BBS1: variants seen among roughly 807,000 people sequenced by gnomAD.
The protein encoded by BBS1 is Bardet-Biedl syndrome 1.
BBS1 carries 60 observed loss-of-function variants against 73.9 expected under a neutral mutation model. The ratio of observed to expected loss-of-function variants is 0.81; its 90% CI spans 0.66 to 1.01. BBS1 has a LOEUF of 1.01. Ranked by LOEUF, BBS1 falls within the 50% of genes least tolerant of loss-of-function variation. The pLI is 0.00. For synonymous variants in BBS1, 283 were observed against 317.4 expected, an observed-to-expected ratio of 0.89 and a Z score of 1.15; for missense variants, 718 against 770.3, an observed-to-expected ratio of 0.93 and a Z score of 0.80.
In BBS1 at chr11:66,526,806, C is replaced by A. The variant is rs368302072; in HGVS notation, c.1338C>A (p.Thr446=). 3 of 1,614,220 alleles carry A rather than the reference C, an allele frequency of 1.9e-6. No individual in the cohort carries two copies. In the South Asian group the frequency reaches 3.3e-5, roughly 18 times the overall value. ...CACTGCGAGAGCGGGAGGCTGGCAC[C>A]GGTGAGCCTCAGACTGGGTCCTTTC... is the stretch of plus-strand genomic sequence containing the variant. ...DQTLREREAG[T]AMHRAFQTDL... The change falls in exon 13 of 17, where the codon ACC becomes ACA. Residue 446 remains threonine (T), a splice_region_variant and synonymous_variant. Transcript: ENST00000318312.
chr11:66,527,668 C>CAAAAAAAAAAAAAA, intron 13 of BBS1: 1 of 57,964 alleles, frequency 1.7e-5, no homozygotes, highest in Non-Finnish European at 3.2e-5. Context: ...GACTCCGTCT[C>CAAAAAAAAAAAAAA]AAAAAAAAAA....
At position 66,532,089 on chromosome 11, in the gene BBS1, G is replaced by A. The variant is rs755900357; in HGVS notation, c.*52G>A. The A allele has an allele frequency of 8.4e-6, 13 of 1,541,198 alleles. No homozygotes were observed. Among genetic ancestry groups the A allele is most frequent in the East Asian group, 4.8e-5 (2 of 41,510 alleles). On this transcript the variant is annotated 3_prime_UTR_variant, in exon 17 of 17. Transcript: ENST00000318312. ...CACAATCAGCCAGGGAGAACTGGGCGGGTTTAGTGGCCCCAGGCCCACTCC... is the reference window on the plus strand; with the variant it reads ...CACAATCAGCCAGGGAGAACTGGGCAGGTTTAGTGGCCCCAGGCCCACTCC...
At position 66,511,017 on chromosome 11, in the gene BBS1, G is replaced by A. The variant is rs1855931587; in HGVS notation, c.52G>A (p.Glu18Lys). The A allele has an allele frequency of 6.2e-7, 1 of 1,614,108 alleles. No homozygotes were observed. Among genetic ancestry groups the A allele is most frequent in the Non-Finnish European group, 8.5e-7 (1 of 1,180,032 alleles). ...DSDACGAESN[E>K]ANSKWLDAHY... The stretch of plus-strand genomic sequence containing the variant: ...CTGTCTTTCCCCCACTTCCAGCAAT[G>A]AGGCCAATTCGAAGTGGTTGGATGC... The change falls in exon 2 of 17, where the codon GAG (glutamate) becomes AAG (lysine). Residue 18 changes from glutamate (E) to lysine (K), a missense_variant. Glu to Lys is a moderately conservative substitution (Grantham distance 56). Transcript: ENST00000318312.
At chr11:66,514,305 G>C in intron 3 of BBS1, 101 bp from the exon 4 acceptor site, 1 of 1,481,836 alleles carries the variant, frequency 6.7e-7, no homozygotes. Flanking sequence ...GCCTTTATTG[G>C]TGCAGGAATG....
At chr11:66,524,033 A>G in intron 11 of BBS1, 151 bp downstream of exon 11, 2 of 1,192,350 alleles carry the variant, frequency 1.7e-6, no homozygotes, top group Non-Finnish European at 1.2e-6. Context: ...TAATCCCAGC[A>G]CTTTGGGAGG....
chr11:66,512,997 C>T (rs1208230452), intron 3 of BBS1, among the ~76,000 whole-genome samples: 1 of 151,546 alleles, frequency 6.6e-6, no homozygotes, highest in Non-Finnish European at 1.5e-5. Flanking sequence ...TGTTAAATAT[C>T]TTCACATAAT....
At chr11:66,515,991 C>T (rs1023587736) in intron 7 of BBS1, 58 bp downstream of exon 7, 10 of 1,543,008 alleles carry the variant, frequency 6.5e-6, no homozygotes, top group Non-Finnish European at 9.0e-6. Flanking sequence ...TTTTAAAAGA[C>T]CACTTAACAT....
At chr11:66,520,584 C>G (rs764576395) in intron 8 of BBS1, 1 of 155,970 alleles carries the variant, frequency 6.4e-6, no homozygotes, top group Middle Eastern at 3.4e-3. Flanking sequence ...CACGCCTGAC[C>G]CCACATCAGC....
chr11:66,523,234 A>C (rs542059734), intron 9 of BBS1: 3 of 671,924 alleles, frequency 4.5e-6, no homozygotes, highest in Admixed American at 4.1e-5. Context: ...TGAAGGTGGG[A>C]GGAAGACAAG....
intron 9 of BBS1, 60 bp downstream of exon 9, chr11:66,521,436 G>T (rs1856212858): frequency 7.3e-7 from 1 of 1,365,620 alleles, no homozygotes; most frequent in African/African-American, 1.4e-5. Context: ...GGTGGCTTCA[G>T]AGGCTTGCAA....
In BBS1 at chr11:66,533,212, G is replaced by A. The variant is rs1856852334; in HGVS notation, c.*1175G>A. On this transcript the variant is annotated 3_prime_UTR_variant, in exon 17 of 17. Coordinates refer to ENST00000318312, the MANE Select transcript of BBS1 (RefSeq NM_024649.5). Reference sequence around the variant, plus strand: ...AGTGCACACACTAGAGAGAAATTGTGAACATTAAGGACAAGGAGAATTGGT... The same window carrying A: ...AGTGCACACACTAGAGAGAAATTGTAAACATTAAGGACAAGGAGAATTGGT... The A allele has an allele frequency of 6.6e-6, 1 of 152,194 alleles. No individual in the cohort carries two copies. Among genetic ancestry groups the A allele is most frequent in the African/African-American group, 2.4e-5 (1 of 41,432 alleles). The allele number at this position is 152,194 out of a possible 1,614,324, so 9.4% of individuals were successfully genotyped here.
At chr11:66,517,396 C>T (rs1024483806) in intron 7 of BBS1, among the ~76,000 whole-genome samples, 7 of 151,412 alleles carry the variant, frequency 4.6e-5, no homozygotes, top group Admixed American at 6.6e-5. Context: ...CTAACAATAA[C>T]TAGTGTTTGT....
rs1354560920 is a variant in BBS1 at position 66,526,718 on chromosome 11, C to T, written c.1250C>T (p.Pro417Leu). The T allele has an allele frequency of 6.2e-7, 1 of 1,614,188 alleles. No homozygotes were observed. Among genetic ancestry groups the T allele is most frequent in the South Asian group, 1.1e-5 (1 of 91,082 alleles). The change falls in exon 13 of 17, where the codon CCC becomes CTC. Residue 417 changes from proline to leucine, a missense_variant. By Grantham distance (98) the Pro-to-Leu change is moderately conservative (BLOSUM62 -3). Transcript: ENST00000318312. Reference protein sequence around the residue: ...VFVEGGSEVGPPPAQAMKLNV... With the variant: ...VFVEGGSEVGLPPAQAMKLNV... ...GTAGAGGGAGGAAGTGAGGTGGGTC[C>T]CCCACCAGCCCAGGCCATGAAACTC...
In BBS1 at chr11:66,521,256, C is replaced by A. The variant is rs1330178011; in HGVS notation, c.724-14C>A. Reference sequence around the variant, plus strand: ...CTCCAGAGAAATTGGAGTGTTTGCGCTTCTTGTTTGCAGATGAGCCTTCCC... The same window carrying A: ...CTCCAGAGAAATTGGAGTGTTTGCGATTCTTGTTTGCAGATGAGCCTTCCC... On this transcript the variant is annotated splice_polypyrimidine_tract_variant and intron_variant, in intron 8 of 16. Transcript: ENST00000318312. 1 of 1,608,678 alleles carries A rather than the reference C, an allele frequency of 6.2e-7. No homozygotes were observed. Among genetic ancestry groups the A allele is most frequent in the African/African-American group, 1.3e-5 (1 of 74,954 alleles).
rs1856786431 is a variant in BBS1 at position 66,531,666 on chromosome 11, T to C, written c.1619T>C (p.Leu540Pro). The change falls in exon 16 of 17, where the codon CTG becomes CCG. Residue 540 changes from leucine (L) to proline (P), a missense_variant. Coordinates refer to ENST00000318312, the MANE Select transcript of BBS1 (RefSeq NM_024649.5). Reference protein sequence around the residue: ...LPRAFFKVPLLVPGLNYPLET... With the variant: ...LPRAFFKVPLPVPGLNYPLET... ...TGTCCCCAAACTTAGGTACCCTTGC[T>C]GGTGCCAGGGCTCAACTACCCCCTG... is the stretch of plus-strand genomic sequence containing the variant. 2.5e-6 allele frequency: 4 copies of C among 1,614,128 alleles called. No homozygotes were observed. The highest frequency in any genetic ancestry group is 2.5e-6 in the Non-Finnish European group (3 of 1,180,004).
Position 66,521,290 on chromosome 11 carries a change from C to T in BBS1, c.744C>T (p.Pro248=), listed in dbSNP as rs528073027. ...ILAKMSLPSV[P]VFLEVSGQFD... ...TGCAGATGAGCCTTCCCAGCGTCCC[C>T]GTCTTCCTAGAGGTTTCTGGCCAGT... is the stretch of plus-strand genomic sequence containing the variant. Residue 248 remains proline (P), a synonymous_variant, in exon 9 of 17, where the codon CCC becomes CCT. Transcript: ENST00000318312. 93 of 1,614,170 alleles carry T rather than the reference C, an allele frequency of 5.8e-5. No homozygotes were observed. Among genetic ancestry groups the T allele is most frequent in the Admixed American group, 2.5e-4 (15 of 60,004 alleles).
At chr11:66,526,927 G>A in intron 13 of BBS1, 120 bp downstream of exon 13, 1 of 1,600,800 alleles carries the variant, frequency 6.2e-7, no homozygotes, top group East Asian at 2.2e-5. Context: ...AACTAGGTAG[G>A]TCACTCACCT....
chr11:66,521,171 G>A (rs1856198085), intron 8 of BBS1, 99 bp from the exon 9 acceptor site: 2 of 887,334 alleles, frequency 2.3e-6, no homozygotes, highest in South Asian at 2.7e-5. Flanking sequence ...TGAGGAGATT[G>A]GGACTTTAGA....
chr11:66,530,209 C>T (rs1856713546), intron 14 of BBS1, among the ~76,000 whole-genome samples: 1 of 152,098 alleles, frequency 6.6e-6, no homozygotes. Context: ...CAGATAGGCC[C>T]CCAGAATAGT....
Sources: gnomAD v4.1 joint callset for allele counts (sites outside exome capture counted in the v4.1 genomes callset) on GRCh38, gnomAD v4.1.1 for gene constraint, MANE v1.5 for transcripts, NCBI Gene and HGNC (gene_info 2026-07-23, HGNC 2026-07-21) for gene names.